Variants in MYRF observed in about 807,000 individuals in gnomAD.
MYRF encodes the protein myelin regulatory factor.
In MYRF, 16 loss-of-function variants were observed where a neutral mutation model predicts 126.3. The ratio of observed to expected loss-of-function variants is 0.13; its 90% confidence interval spans 0.09 to 0.19. The LOEUF is 0.19. Among genes scored for constraint, MYRF ranks in the 10% least tolerant of loss-of-function variants. The pLI is 1.00. For missense variants in MYRF, 1,104 were observed against 1,547.0 expected (o/e 0.71, Z 4.80); for synonymous variants, 608 against 635.3 (o/e 0.96, Z 0.65).
chr11:61,786,386 T>G lies in MYRF; in HGVS notation c.*243T>G. 1 of 563,724 alleles carries G rather than the reference T, an allele frequency of 1.8e-6. No homozygotes were observed. The highest frequency in any genetic ancestry group is 3.2e-6 in the Non-Finnish European group (1 of 313,094). The allele number at this position is 563,724 out of a possible 1,614,324, so 34.9% of individuals were successfully genotyped here. On this transcript the variant is annotated 3_prime_UTR_variant, in exon 27 of 27. Transcript: ENST00000278836. The surrounding 1 kb of genome is among the most constrained non-coding windows in gnomAD (Gnocchi z 4.5). ...TTGGGCCTTCCTGCCTGCCACCCCC[T>G]AGGGGCCAGGACAGGACCAGTTTAC...
intron 25 of MYRF, chr11:61,785,311 A>C (rs934484158): frequency 3.7e-5 from 6 of 164,190 alleles, no homozygotes; most frequent in Non-Finnish European, 6.7e-5. Flanking sequence ...TAGATGGGCA[A>C]GCTGCCTGCA....
chr11:61,766,013 C>T lies in MYRF; in HGVS notation c.190C>T (p.Pro64Ser). Residue 64 changes from proline (P) to serine (S), a missense_variant, in exon 3 of 27, where the codon CCT becomes TCT. This residue lies in a region of MYRF where 368 missense variants were observed against 403.9 expected (regional missense o/e 0.91). Transcript: ENST00000278836. ...ASSASYSHGQ[P>S]AMPGSSGVHH... is the part of the protein sequence containing the mutation. ...CTCGGCCTCCTACTCCCACGGGCAG[C>T]CTGCGATGCCTGGCTCCAGCGGGGT... 1 of 1,583,214 alleles carries T rather than the reference C, an allele frequency of 6.3e-7. No homozygotes were observed.
Position 61,784,342 on chromosome 11 carries a change from A to G in MYRF, c.3257A>G (p.Glu1086Gly), listed in dbSNP as rs1189879249. 1.9e-6 allele frequency: 3 copies of G among 1,613,832 alleles called. No individual in the cohort carries two copies. The East Asian group carries it at 6.7e-5, about 36-fold the overall frequency. Reference sequence around the variant, plus strand: ...AGGTCAAAGGAGGAACCATGTGAGGAGGGGAGCCTTCCACAGAGTCTCCAC... The same window carrying G: ...AGGTCAAAGGAGGAACCATGTGAGGGGGGGAGCCTTCCACAGAGTCTCCAC... ...SLRSKEEPCE[E>G]GSLPQSLHTH... is the part of the protein sequence containing the mutation. The change falls in exon 25 of 27, where the codon GAG (glutamate) becomes GGG (glycine). Residue 1086 changes from glutamate to glycine, a missense_variant. Glu to Gly is a moderately conservative substitution (Grantham distance 98). This residue lies in a region of MYRF where 94 missense variants were observed against 164.6 expected (regional missense o/e 0.57). Transcript: ENST00000278836.
chr11:61,777,275 A>G lies in MYRF; in HGVS notation c.1602A>G (p.Pro534=). 1 of 1,612,948 alleles carries G rather than the reference A, an allele frequency of 6.2e-7. No homozygotes were observed. The highest frequency in any genetic ancestry group is 1.1e-5 in the South Asian group (1 of 91,064). ...CCAACTCGCGGTAGGCCTCCAACCC[A>G]GGCCAGTTCGAGAGCGACAGCGATG... ...SERIIVRASN[P]GQFESDSDVL... The change falls in exon 12 of 27, where the codon CCA becomes CCG. Residue 534 remains proline (P), a synonymous_variant. Coordinates refer to ENST00000278836, the MANE Select transcript of MYRF (RefSeq NM_001127392.3). The surrounding 1 kb of genome is among the most constrained non-coding windows in gnomAD (Gnocchi z 8.8).
chr11:61,752,858 A>G, intron 1 of MYRF, 68 bp downstream of exon 1: 3 of 1,370,014 alleles, frequency 2.2e-6, no homozygotes, highest in South Asian at 2.8e-5. Flanking sequence ...CTCCCCGGGA[A>G]CTGGGGCTCC....
chr11:61,761,343 A>G (rs1286672746), intron 1 of MYRF, among the ~76,000 whole-genome samples: 1 of 151,736 alleles, frequency 6.6e-6, no homozygotes, highest in East Asian at 1.9e-4. Context: ...GCCTGCTCTC[A>G]TCCTGCACCT....
intron 1 of MYRF, among the ~76,000 whole-genome samples, chr11:61,758,627 T>C (rs1371980413): frequency 6.6e-6 from 1 of 152,224 alleles, no homozygotes; most frequent in East Asian, 1.9e-4. Flanking sequence ...TCCTGGCATA[T>C]ACACCTGTGA....
chr11:61,773,818 T>A, intron 7 of MYRF, 149 bp from the exon 8 acceptor site: 1 of 647,168 alleles, frequency 1.5e-6, no homozygotes, highest in Non-Finnish European at 2.6e-6. Context: ...TCAGTTTCCA[T>A]TTCTCAGGAG....
At chr11:61,763,298 T>C (rs1412536799) in intron 1 of MYRF, among the ~76,000 whole-genome samples, 1 of 152,198 alleles carries the variant, frequency 6.6e-6, no homozygotes, top group Non-Finnish European at 1.5e-5. Flanking sequence ...GTGATTATGT[T>C]ACCTATCTGA....
intron 3 of MYRF, chr11:61,767,151 G>T: frequency 2.2e-6 from 1 of 456,582 alleles, no homozygotes; most frequent in South Asian, 1.5e-5. Context: ...GGCTTTTGGG[G>T]AGAAGGGAGT....
chr11:61,767,203 G>A (rs1163424957), intron 3 of MYRF: 1 of 456,658 alleles, frequency 2.2e-6, no homozygotes, highest in Non-Finnish European at 4.4e-6. Flanking sequence ...CTTTGCTGCA[G>A]AAGGCAAACT....
intron 8 of MYRF, among the ~76,000 whole-genome samples, chr11:61,775,020 C>T (rs2066336859): frequency 6.6e-6 from 1 of 152,210 alleles, no homozygotes; most frequent in Non-Finnish European, 1.5e-5. Context: ...GGTCAGGGCC[C>T]TCTTTCCCCA....
chr11:61,762,017 T>C (rs1423877318), intron 1 of MYRF, among the ~76,000 whole-genome samples: 2 of 152,188 alleles, frequency 1.3e-5, no homozygotes, highest in African/African-American at 2.4e-5. Flanking sequence ...CCCCTGCCCA[T>C]CCCTTGCTAA....
chr11:61,769,192 G>T, intron 3 of MYRF, 68 bp from the exon 4 acceptor site: 1 of 935,068 alleles, frequency 1.1e-6, no homozygotes, highest in South Asian at 1.5e-5. Context: ...ACCACGCAGA[G>T]AAGCTGCCCA....
chr11:61,770,182 G>A, intron 4 of MYRF, 64 bp from the exon 5 acceptor site: 1 of 1,462,022 alleles, frequency 6.8e-7, no homozygotes, highest in African/African-American at 1.4e-5. Flanking sequence ...GCCTTGGGGA[G>A]GACAGTGCCC....
In MYRF at chr11:61,781,840, C is replaced by G; in HGVS notation, c.3016+16C>G. Reference sequence around the variant, plus strand: ...GGCCAGTCAGGTACTTGCTGCACCCCTGACACTACCCAGCCCAGCCTGGCA... The same window carrying G: ...GGCCAGTCAGGTACTTGCTGCACCCGTGACACTACCCAGCCCAGCCTGGCA... On this transcript the variant is annotated intron_variant, in intron 22 of 26. Transcript: ENST00000278836. 6.6e-7 allele frequency: 1 copy of G among 1,523,038 alleles called. No homozygotes were observed. Among genetic ancestry groups the G allele is most frequent in the Non-Finnish European group, 8.8e-7 (1 of 1,142,132 alleles). The allele number at this position is 1,523,038 out of a possible 1,614,324, so 94.3% of individuals were successfully genotyped here.
In MYRF at chr11:61,776,202, G is replaced by A; in HGVS notation, c.1388+70G>A. On this transcript the variant is annotated intron_variant, in intron 9 of 26. Transcript: ENST00000278836. The surrounding 1 kb of genome is among the most constrained non-coding windows in gnomAD (Gnocchi z 4.3). ...AACTAAAGCTGGCTTGGGAATGGAG[G>A]GGCCAGGGAGGTACCCAGGGTGTCC... is the stretch of plus-strand genomic sequence containing the variant. 1.9e-6 allele frequency: 3 copies of A among 1,588,140 alleles called. No individual in the cohort carries two copies. The South Asian group carries it at 3.3e-5, about 18-fold the overall frequency.
Position 61,766,045 on chromosome 11 carries a change from C to T in MYRF, c.222C>T (p.His74=). ...PAMPGSSGVH[H]LSPPGGGPSP... ...TGCCTGGCTCCAGCGGGGTCCACCA[C>T]CTGAGCCCCCCTGGGGGTGGACCCT... Residue 74 remains histidine, a synonymous_variant, in exon 3 of 27, where the codon CAC becomes CAT. Transcript: ENST00000278836. 2 of 1,600,194 alleles carry T rather than the reference C, an allele frequency of 1.2e-6. No individual in the cohort carries two copies. Among genetic ancestry groups the T allele is most frequent in the South Asian group, 1.1e-5 (1 of 90,214 alleles).
chr11:61,777,612 C>A lies in MYRF; in HGVS notation c.1792-122C>A. 1 of 1,313,410 alleles carries A rather than the reference C, an allele frequency of 7.6e-7. No homozygotes were observed. Among genetic ancestry groups the A allele is most frequent in the Middle Eastern group, 2.6e-4 (1 of 3,842 alleles). The allele number at this position is 1,313,410 out of a possible 1,614,324, so 81.4% of individuals were successfully genotyped here. A position where few individuals can be genotyped will look rare whatever the true frequency, so the allele number is the denominator to read the frequency against. On this transcript the variant is annotated intron_variant, in intron 12 of 26. Coordinates refer to ENST00000278836, the MANE Select transcript of MYRF (RefSeq NM_001127392.3). This position sits in a 1 kb window ranked among gnomAD's most constrained non-coding sequence, Gnocchi z 8.8. ...AGGCTGGCCTCGAATCCCGATCTAA[C>A]CACTCCAGTGGTGGGGTCTCCTCTC...
Sources: allele counts gnomAD v4.1 joint callset (sites outside exome capture counted in the v4.1 genomes callset), GRCh38; gene constraint gnomAD v4.1.1; regional missense constraint gnomAD v4.1.1; non-coding constraint Gnocchi (gnomAD v3.1); transcripts MANE v1.5; gene names NCBI Gene and HGNC (gene_info 2026-07-23, HGNC 2026-07-21).